TTYH1: variants seen among roughly 807,000 people sequenced by gnomAD.
The protein encoded by TTYH1 is protein tweety homolog 1.
TTYH1 carries 33 observed loss-of-function variants against 61.2 expected under a neutral mutation model. That is an observed-to-expected ratio of 0.54 (90% CI 0.41 to 0.72). The LOEUF is 0.72. Among genes scored for constraint, TTYH1 ranks in the 30% least tolerant of loss-of-function variants. The pLI, the probability that TTYH1 is intolerant of heterozygous loss-of-function variation, is 0.00. For synonymous variants in TTYH1, 308 were observed against 266.4 expected, an observed-to-expected ratio of 1.16 and a Z score of -1.52; for missense variants, 538 against 575.8, an observed-to-expected ratio of 0.93 and a Z score of 0.67.
rs2083187981 is a variant in TTYH1 at position 54,420,455 on chromosome 19, G to A, written c.306-822G>A. ...CTCTGAACAATGGGGCGGGGACACT[G>A]GGCGTCCGACCCGAGGGATGGGGGT... On this transcript the variant is annotated intron_variant, in intron 2 of 13. Transcript: ENST00000376530. The surrounding 1 kb of genome is among the most constrained non-coding windows in gnomAD (Gnocchi z 4.8). 6.6e-6 allele frequency among the ~76,000 whole-genome samples: 1 copy of A among 152,058 alleles called. No individual in the cohort carries two copies. Among genetic ancestry groups the A allele is most frequent in the Non-Finnish European group, 1.5e-5 (1 of 67,962 alleles).
intron 4 of TTYH1, among the ~76,000 whole-genome samples, chr19:54,424,741 A>G (rs545129629): frequency 3.4e-4 from 51 of 152,198 alleles, no homozygotes; most frequent in Non-Finnish European, 5.7e-4. Flanking sequence ...GGGGCCTCCA[A>G]GGGAGTCTTG....
At chr19:54,431,499 T>G in intron 10 of TTYH1, 1 of 424,344 alleles carries the variant, frequency 2.4e-6, no homozygotes, top group Non-Finnish European at 4.2e-6. Context: ...CCTTGTCTTC[T>G]CTCCTCTCTC....
At chr19:54,417,173 C>T (rs1323090090) in intron 1 of TTYH1, among the ~76,000 whole-genome samples, 4 of 152,010 alleles carry the variant, frequency 2.6e-5, no homozygotes, top group African/African-American at 9.7e-5. Flanking sequence ...ACTCCCATTA[C>T]ACACTCACAT....
intron 4 of TTYH1, 160 bp from the exon 5 acceptor site, chr19:54,426,513 G>C: frequency 1.5e-6 from 1 of 662,964 alleles, no homozygotes; most frequent in Non-Finnish European, 2.8e-6. Context: ...GAGGACCTGG[G>C]CTGTGGCCCA....
intron 10 of TTYH1, 146 bp from the exon 11 acceptor site, chr19:54,435,396 G>C: frequency 5.1e-6 from 5 of 975,266 alleles, no homozygotes; most frequent in South Asian, 1.6e-5. Context: ...TCTCAGAACT[G>C]CCCTTTGACA....
Position 54,436,029 on chromosome 19 carries a change from A to G in TTYH1, c.1315-62A>G. The G allele has an allele frequency of 6.3e-7, 1 of 1,590,862 alleles. No homozygotes were observed. The highest frequency in any genetic ancestry group is 1.1e-5 in the South Asian group (1 of 90,450). On this transcript the variant is annotated intron_variant, in intron 12 of 13. Transcript: ENST00000376530. This position sits in a 1 kb window ranked among gnomAD's most constrained non-coding sequence, Gnocchi z 4.3. The stretch of plus-strand genomic sequence containing the variant: ...GAGGGAGGAGGGGCTGGGGTCCCAC[A>G]GTACAAAGCCAATTCCCACTCCATT...
At position 54,426,558 on chromosome 19, in the gene TTYH1, G is replaced by T. The variant is rs186652492; in HGVS notation, c.639-115G>T. On this transcript the variant is annotated intron_variant, in intron 4 of 13. Transcript: ENST00000376530. ...AACAGCAGGAGGCTGAGCTTGGAGGGTGGTGAATGTGAGGCTGAGCTGGGG... is the reference window on the plus strand; with the variant it reads ...AACAGCAGGAGGCTGAGCTTGGAGGTTGGTGAATGTGAGGCTGAGCTGGGG... The T allele has an allele frequency of 1.4e-3, 1,061 of 783,798 alleles. 3 individuals carry two copies. The highest frequency in any genetic ancestry group is 1.3e-3 in the Non-Finnish European group (564 of 446,708). 48.6% of individuals were successfully genotyped at this position (783,798 alleles called of 1,614,324 possible). A position where few individuals can be genotyped will look rare whatever the true frequency, so the allele number is the denominator to read the frequency against.
At chr19:54,430,644 C>T in intron 8 of TTYH1, 39 bp downstream of exon 8, 5 of 1,605,638 alleles carry the variant, frequency 3.1e-6, no homozygotes, top group Non-Finnish European at 4.3e-6. Context: ...GTTGAGGGAG[C>T]CAGAAATCTG....
chr19:54,422,476 T>C (rs1279285625), intron 4 of TTYH1, 66 bp downstream of exon 4: 1 of 1,367,600 alleles, frequency 7.3e-7, no homozygotes, highest in African/African-American at 1.5e-5. Context: ...GGGGGACAGT[T>C]GGCAATGCCT....
In TTYH1 at chr19:54,421,248, G is replaced by A; in HGVS notation, c.306-29G>A. ...GGCCCCCGGGGTCCTGGGACCCGCT[G>A]AGATTCCTCTCCCTCCTCCTCCGCT... On this transcript the variant is annotated intron_variant, in intron 2 of 13. Coordinates refer to ENST00000376530, the MANE Select transcript of TTYH1 (RefSeq NM_020659.4). The surrounding 1 kb of genome is among the most constrained non-coding windows in gnomAD (Gnocchi z 4.8). 1 of 1,531,180 alleles carries A rather than the reference G, an allele frequency of 6.5e-7. No homozygotes were observed. The highest frequency in any genetic ancestry group is 9.0e-7 in the Non-Finnish European group (1 of 1,105,102). The allele number at this position is 1,531,180 out of a possible 1,614,324, so 94.8% of individuals were successfully genotyped here.
chr19:54,433,432 C>T (rs1352966090), intron 10 of TTYH1: 7 of 151,752 alleles, frequency 4.6e-5, no homozygotes, highest in Admixed American at 4.6e-4. Flanking sequence ...TGGTGGCACA[C>T]CCCTGTATTC....
At chr19:54,433,425 T>A (rs1435381228) in intron 10 of TTYH1, 1 of 151,136 alleles carries the variant, frequency 6.6e-6, no homozygotes, top group African/African-American at 2.4e-5. Context: ...CCGGGCGTGG[T>A]GGCACACCCC....
rs771274607 is a variant in TTYH1 at position 54,421,277 on chromosome 19, C to T, written c.306C>T (p.Cys102=). The T allele has an allele frequency of 1.2e-6, 2 of 1,608,534 alleles. No homozygotes were observed. Among genetic ancestry groups the T allele is most frequent in the Non-Finnish European group, 8.5e-7 (1 of 1,175,026 alleles). The change falls in exon 3 of 14, where the codon TGC becomes TGT. Residue 102 remains cysteine (C), a splice_region_variant and synonymous_variant. Coordinates refer to ENST00000376530, the MANE Select transcript of TTYH1 (RefSeq NM_020659.4). The surrounding 1 kb of genome is among the most constrained non-coding windows in gnomAD (Gnocchi z 4.8). ...WSCIVALLAG[C]TGIGIGFYGN... Reference sequence around the variant, plus strand: ...TTCCTCTCCCTCCTCCTCCGCTCAGCACTGGCATTGGCATCGGTTTCTATG... The same window carrying T: ...TTCCTCTCCCTCCTCCTCCGCTCAGTACTGGCATTGGCATCGGTTTCTATG...
chr19:54,435,439 G>C, intron 10 of TTYH1, 103 bp from the exon 11 acceptor site: 1 of 1,384,854 alleles, frequency 7.2e-7, no homozygotes, highest in Non-Finnish European at 9.8e-7. Context: ...GTCAGTTGAC[G>C]TGTGCAGTAC....
Position 54,421,453 on chromosome 19 carries a change from C to A in TTYH1, c.417+65C>A. 10 of 1,076,318 alleles carry A rather than the reference C, an allele frequency of 9.3e-6. No individual in the cohort carries two copies. In the South Asian group the frequency reaches 1.1e-4, roughly 12 times the overall value. 66.7% of individuals were successfully genotyped at this position (1,076,318 alleles called of 1,614,324 possible). ...TGGACGGGCTCCCCACACCCAAGGA[C>A]AAAGGGATCCAAACTCAGAGCTAAG... is the stretch of plus-strand genomic sequence containing the variant. On this transcript the variant is annotated intron_variant, in intron 3 of 13. Coordinates refer to ENST00000376530, the MANE Select transcript of TTYH1 (RefSeq NM_020659.4). The surrounding 1 kb of genome is among the most constrained non-coding windows in gnomAD (Gnocchi z 4.8).
chr19:54,422,095 C>CT, intron 3 of TTYH1, 95 bp from the exon 4 acceptor site: 3 of 996,930 alleles, frequency 3.0e-6, no homozygotes, highest in Non-Finnish European at 4.4e-6. Flanking sequence ...ACACCCGCTA[C>CT]TATGCACCCC....
chr19:54,430,482 G>T, intron 7 of TTYH1, 68 bp from the exon 8 acceptor site: 1 of 1,565,072 alleles, frequency 6.4e-7, no homozygotes, highest in South Asian at 1.1e-5. Flanking sequence ...CCAGTGCCCG[G>T]CCTTCCCCCG....
intron 10 of TTYH1, chr19:54,433,203 G>A (rs1390916507): frequency 6.6e-6 from 1 of 152,228 alleles, no homozygotes; most frequent in Non-Finnish European, 1.5e-5. Flanking sequence ...ACTGCACCAT[G>A]AGACCCTGGG....
At chr19:54,426,226 G>A (rs78805635) in intron 4 of TTYH1, among the ~76,000 whole-genome samples, 3,231 of 152,278 alleles carry the variant, frequency 0.021, 102 homozygotes, top group African/African-American at 0.073. Context: ...AGAGTTACCC[G>A]GCCAGTTAAG....
Sources: allele counts gnomAD v4.1 joint callset (sites outside exome capture counted in the v4.1 genomes callset), GRCh38; gene constraint gnomAD v4.1.1; non-coding constraint Gnocchi (gnomAD v3.1); transcripts MANE v1.5; gene names NCBI Gene and HGNC (gene_info 2026-07-23, HGNC 2026-07-21).